BMP6: variants seen among roughly 807,000 people sequenced by gnomAD.
BMP6 encodes the protein bone morphogenetic protein 6.
Under a neutral mutation model 54.1 loss-of-function variants are expected in BMP6, and 17 were observed. The ratio of observed to expected loss-of-function variants is 0.31; its 90% CI spans 0.22 to 0.47. The LOEUF (loss-of-function observed/expected upper bound fraction) is 0.47, where lower values mean the gene tolerates loss of function less well. BMP6 is among the 20% of genes least tolerant of loss of function. BMP6 has a pLI of 1.00. For synonymous variants in BMP6, 328 were observed against 291.2 expected, an observed-to-expected ratio of 1.13 and a Z score of -1.28; for missense variants, 720 against 690.4, an observed-to-expected ratio of 1.04 and a Z score of -0.48.
intron 1 of BMP6, among the ~76,000 whole-genome samples, chr6:7,763,199 C>G (rs1473164043): frequency 6.6e-6 from 1 of 152,188 alleles, no homozygotes; most frequent in Admixed American, 6.5e-5. Flanking sequence ...TGTTTTCAGC[C>G]TCCACTGTCT....
chr6:7,781,335 C>CATCAGAGGG (rs1457748881), intron 1 of BMP6, among the ~76,000 whole-genome samples: 2 of 151,716 alleles, frequency 1.3e-5, no homozygotes, highest in Non-Finnish European at 3.0e-5. Flanking sequence ...CTCGTTCATA[C>CATCAGAGGG]GTACCATGCC....
chr6:7,849,264 C>G (rs1005434225), intron 2 of BMP6, among the ~76,000 whole-genome samples: 2 of 152,186 alleles, frequency 1.3e-5, no homozygotes, highest in Non-Finnish European at 2.9e-5. Flanking sequence ...ACTTTGATGT[C>G]TAAGGCCTTC....
intron 1 of BMP6, among the ~76,000 whole-genome samples, chr6:7,729,261 G>T (rs35678549): frequency 1.3e-5 from 2 of 152,174 alleles, no homozygotes; most frequent in African/African-American, 2.4e-5. Context: ...CTTTTCTGCT[G>T]CTTCTGACTT....
At chr6:7,747,698 G>A (rs1214462966) in intron 1 of BMP6, among the ~76,000 whole-genome samples, 1 of 152,206 alleles carries the variant, frequency 6.6e-6, no homozygotes, top group African/African-American at 2.4e-5. Context: ...CCAGACTGGA[G>A]TGCAGCGGTA....
At position 7,779,165 on chromosome 6, in the gene BMP6, C is replaced by T. The variant is rs1413157745; in HGVS notation, c.664+51546C>T. Among the ~76,000 whole-genome samples the T allele has an allele frequency of 3.3e-5, 5 of 152,166 alleles. No individual in the cohort carries two copies. The East Asian group carries it at 9.6e-4, about 29-fold the overall frequency. On this transcript the variant is annotated intron_variant, in intron 1 of 6. Coordinates refer to ENST00000283147, the MANE Select transcript of BMP6 (RefSeq NM_001718.6). ...TCTTGCCCTGTGGCCCAGGCTATAG[C>T]CCAGCAAATATTTGTGGTGGGTGCC...
At chr6:7,874,625 G>T (rs1279386511) in intron 4 of BMP6, among the ~76,000 whole-genome samples, 2 of 152,084 alleles carry the variant, frequency 1.3e-5, no homozygotes, top group African/African-American at 4.8e-5. Flanking sequence ...GGTGTGTGAT[G>T]TACACCCAGC....
At chr6:7,864,310 A>T (rs943538844) in intron 4 of BMP6, among the ~76,000 whole-genome samples, 4 of 152,182 alleles carry the variant, frequency 2.6e-5, no homozygotes. Flanking sequence ...GACACATTTA[A>T]TCTGTTTCAG....
chr6:7,831,199 A>T (rs1758788062), intron 1 of BMP6, among the ~76,000 whole-genome samples: 1 of 152,226 alleles, frequency 6.6e-6, no homozygotes, highest in Admixed American at 6.5e-5. Flanking sequence ...AGCCAGTCAC[A>T]AAGGATCACA....
At chr6:7,792,038 T>TTA (rs1209236796) in intron 1 of BMP6, among the ~76,000 whole-genome samples, 2 of 150,888 alleles carry the variant, frequency 1.3e-5, no homozygotes, top group Non-Finnish European at 2.9e-5. Context: ...GGATGGAAAC[T>TTA]TATTTTAAGG....
intron 1 of BMP6, among the ~76,000 whole-genome samples, chr6:7,756,861 A>G (rs1258623580): frequency 6.6e-6 from 1 of 152,194 alleles, no homozygotes; most frequent in Non-Finnish European, 1.5e-5. Context: ...TCCAGCACGC[A>G]AACTTTCCCC....
At chr6:7,803,690 G>A (rs556596182) in intron 1 of BMP6, among the ~76,000 whole-genome samples, 1 of 152,134 alleles carries the variant, frequency 6.6e-6, no homozygotes, top group African/African-American at 2.4e-5. Flanking sequence ...TTCTCTGCCA[G>A]CCCTTTGTAA....
chr6:7,734,580 A>C (rs111536776), intron 1 of BMP6, among the ~76,000 whole-genome samples: 1,910 of 152,308 alleles, frequency 0.013, 37 homozygotes, highest in African/African-American at 0.044. Flanking sequence ...CAAGAACTCT[A>C]CTTTTAGAAA....
chr6:7,858,596 A>T (rs966202643), intron 2 of BMP6, among the ~76,000 whole-genome samples: 4 of 151,388 alleles, frequency 2.6e-5, no homozygotes, highest in African/African-American at 7.3e-5. Flanking sequence ...ATTAAATTCC[A>T]TTTGCCCCAC....
chr6:7,831,569 A>G (rs563606472), intron 1 of BMP6, among the ~76,000 whole-genome samples: 130 of 152,280 alleles, frequency 8.5e-4, no homozygotes, highest in African/African-American at 3.1e-3. Flanking sequence ...ATGCATGGTG[A>G]CCTTGTGATG....
chr6:7,735,049 G>A (rs1761931524), intron 1 of BMP6, among the ~76,000 whole-genome samples: 1 of 152,192 alleles, frequency 6.6e-6, no homozygotes, highest in Admixed American at 6.5e-5. Flanking sequence ...TATCACCAAA[G>A]AGCTCAGCTG....
At chr6:7,766,035 TTCACAG>T (rs1757682500) in intron 1 of BMP6, among the ~76,000 whole-genome samples, 1 of 152,160 alleles carries the variant, frequency 6.6e-6, no homozygotes, top group South Asian at 2.1e-4. Context: ...CTGGAAGATA[TTCACAG>T]CTTCCAGGGA....
intron 1 of BMP6, among the ~76,000 whole-genome samples, chr6:7,747,763 C>T (rs1757367752): frequency 6.6e-6 from 1 of 152,180 alleles, no homozygotes; most frequent in Non-Finnish European, 1.5e-5. Flanking sequence ...CCTCTCGCCT[C>T]AGCCTCCCCA....
At chr6:7,791,954 G>C (rs1758114959) in intron 1 of BMP6, among the ~76,000 whole-genome samples, 1 of 152,088 alleles carries the variant, frequency 6.6e-6, no homozygotes, top group Non-Finnish European at 1.5e-5. Context: ...GAACAGGTTA[G>C]ATTCTTGTAT....
At chr6:7,782,484 GCAGATTA>G (rs1757962052) in intron 1 of BMP6, among the ~76,000 whole-genome samples, 1 of 152,284 alleles carries the variant, frequency 6.6e-6, no homozygotes, top group African/African-American at 2.4e-5. Context: ...GCTGAGGCGG[GCAGATTA>G]CCTGAGGTCA....
Sources: allele counts gnomAD v4.1 joint callset (sites outside exome capture counted in the v4.1 genomes callset), GRCh38; gene constraint gnomAD v4.1.1; transcripts MANE v1.5; gene names NCBI Gene and HGNC (gene_info 2026-07-23, HGNC 2026-07-21).